FAM178B: variants seen among roughly 807,000 people sequenced by gnomAD.
The protein encoded by FAM178B is family with sequence similarity 178 member B.
FAM178B carries 82 observed loss-of-function variants against 91.7 expected under a neutral mutation model. That is an observed-to-expected ratio of 0.89 (90% confidence interval 0.75 to 1.07). FAM178B has a LOEUF of 1.07. Ranked by LOEUF, FAM178B falls within the 50% of genes least tolerant of loss-of-function variation. FAM178B has a pLI of 0.00. For synonymous variants in FAM178B, 368 were observed against 359.4 expected (o/e 1.02, Z -0.27); for missense variants, 769 against 846.7 (o/e 0.91, Z 1.14).
chr2:96,936,819 C>T (rs1056230150), intron 8 of FAM178B, among the ~76,000 whole-genome samples: 4 of 151,954 alleles, frequency 2.6e-5, no homozygotes, highest in African/African-American at 7.3e-5. Context: ...CTAACAAAAG[C>T]GTTCTTTAAA....
intron 14 of FAM178B, among the ~76,000 whole-genome samples, chr2:96,882,421 G>A (rs1367552972): frequency 1.3e-5 from 2 of 152,248 alleles, no homozygotes; most frequent in African/African-American, 4.8e-5. Flanking sequence ...GTGGTGCAGG[G>A]CAGGCAGGGG....
chr2:96,893,927 T>C lies in FAM178B; in HGVS notation c.1775A>G (p.Lys592Arg). Residue 592 changes from lysine (K) to arginine (R), a missense_variant and splice_region_variant, in exon 14 of 17, where the codon AAG (lysine) becomes AGG (arginine). Physicochemically the swap from Lys to Arg is conservative, Grantham distance 26. Transcript: ENST00000490605. ...GGCGGGTGCTGGGTGCTCACTCACC[T>C]TGTGGTCTAGCTCGGCACTAGCCTT... ...QPKASAELDH[K>R]ACYLCHSLLM... The C allele has an allele frequency of 6.2e-7, 1 of 1,611,668 alleles. No individual in the cohort carries two copies.
chr2:96,951,348 C>T (rs778923327), intron 7 of FAM178B, 31 bp downstream of exon 7: 45 of 1,492,676 alleles, frequency 3.0e-5, no homozygotes, highest in East Asian at 4.9e-5. Context: ...GCAGCGCTCC[C>T]GCCACCTAGT....
intron 8 of FAM178B, among the ~76,000 whole-genome samples, chr2:96,937,565 G>A (rs778390601): frequency 3.9e-5 from 6 of 152,146 alleles, no homozygotes; most frequent in Non-Finnish European, 5.9e-5. Context: ...CAGGAGGGGA[G>A]GCTTTAAAAT....
rs577213627 is a variant in FAM178B at position 96,933,542 on chromosome 2, C to T, written c.1079-4222G>A. 2.7e-4 allele frequency among the ~76,000 whole-genome samples: 41 copies of T among 152,330 alleles called. 1 individual carries two copies. Among genetic ancestry groups the T allele is most frequent in the Admixed American group, 3.9e-4 (6 of 15,306 alleles). On this transcript the variant is annotated intron_variant, in intron 8 of 16. Coordinates refer to ENST00000490605, the MANE Select transcript of FAM178B (RefSeq NM_001122646.3). ...CAAGAACCTCTTCGGTCACTGGAAG[C>T]GCCAGCCTCAGCTCCAAGACCTGGC... is the stretch of plus-strand genomic sequence containing the variant.
intron 6 of FAM178B, among the ~76,000 whole-genome samples, chr2:96,957,945 C>CA (rs1429895596): frequency 2.6e-5 from 4 of 151,266 alleles, no homozygotes; most frequent in Non-Finnish European, 4.4e-5. Flanking sequence ...CTTTTATGTT[C>CA]AAAAAATGAG....
chr2:96,882,429 G>GGGT (rs1165112230), intron 14 of FAM178B, among the ~76,000 whole-genome samples: 2 of 152,244 alleles, frequency 1.3e-5, no homozygotes, highest in African/African-American at 2.4e-5. Context: ...GGGCAGGCAG[G>GGGT]GGTGGGCGAG....
intron 1 of FAM178B, among the ~76,000 whole-genome samples, chr2:96,978,755 G>A (rs1434051579): frequency 6.6e-6 from 1 of 151,538 alleles, no homozygotes; most frequent in Non-Finnish European, 1.5e-5. Flanking sequence ...CTCCCGAGTA[G>A]CTGGAATTAC....
chr2:96,889,154 C>T (rs1431163068), intron 14 of FAM178B, among the ~76,000 whole-genome samples: 2 of 152,230 alleles, frequency 1.3e-5, no homozygotes, highest in Non-Finnish European at 2.9e-5. Flanking sequence ...GCCCAGAGGG[C>T]AGCTGGGGAG....
chr2:96,909,154 A>AG (rs1413389707), intron 12 of FAM178B, among the ~76,000 whole-genome samples: 1 of 117,678 alleles, frequency 8.5e-6, no homozygotes, highest in African/African-American at 3.1e-5. Context: ...AAAAAAAAAA[A>AG]AAAAAAGAAA....
At chr2:96,946,312 G>A (rs1432839591) in intron 8 of FAM178B, among the ~76,000 whole-genome samples, 1 of 152,054 alleles carries the variant, frequency 6.6e-6, no homozygotes, top group South Asian at 2.1e-4. Context: ...ATCCATTCAC[G>A]GGTGGACACT....
intron 12 of FAM178B, among the ~76,000 whole-genome samples, chr2:96,915,111 A>AT (rs1559070171): frequency 2.9e-4 from 43 of 146,124 alleles, no homozygotes; most frequent in Admixed American, 8.7e-4. Context: ...TCTATAACCA[A>AT]ATTTTTTTTT....
intron 9 of FAM178B, among the ~76,000 whole-genome samples, chr2:96,925,106 C>G (rs983338436): frequency 2.6e-5 from 4 of 152,112 alleles, no homozygotes; most frequent in African/African-American, 7.2e-5. Context: ...TGCGCCAGTA[C>G]GTGAGGGGAA....
At chr2:96,909,195 T>C (rs2081109379) in intron 12 of FAM178B, among the ~76,000 whole-genome samples, 1 of 151,672 alleles carries the variant, frequency 6.6e-6, no homozygotes, top group African/African-American at 2.4e-5. Flanking sequence ...TGAAGTCACC[T>C]AATCTAGCTT....
intron 13 of FAM178B, among the ~76,000 whole-genome samples, chr2:96,894,876 C>T (rs866391693): frequency 3.5e-4 from 42 of 118,966 alleles, no homozygotes; most frequent in African/African-American, 1.3e-3. Context: ...CCACACCCAC[C>T]CAGTCATCCC....
chr2:96,896,528 T>A (rs1012251586), intron 13 of FAM178B, among the ~76,000 whole-genome samples: 6 of 152,104 alleles, frequency 3.9e-5, no homozygotes, highest in African/African-American at 1.4e-4. Flanking sequence ...CTCGGCCGCT[T>A]AGGGCAGACA....
intron 14 of FAM178B, among the ~76,000 whole-genome samples, chr2:96,884,655 G>A (rs544212066): frequency 1.3e-5 from 2 of 152,298 alleles, no homozygotes; most frequent in South Asian, 4.1e-4. Flanking sequence ...CGTGCCTTCT[G>A]AGCCCCAGCA....
intron 8 of FAM178B, among the ~76,000 whole-genome samples, chr2:96,936,021 T>C (rs1574273478): frequency 6.6e-6 from 1 of 152,046 alleles, no homozygotes; most frequent in Non-Finnish European, 1.5e-5. Context: ...TTGTAACAAA[T>C]ATACACACTA....
chr2:96,878,279 G>T (rs62152871), intron 15 of FAM178B, 137 bp downstream of exon 15: 6 of 901,826 alleles, frequency 6.7e-6, no homozygotes, highest in South Asian at 6.1e-5. Flanking sequence ...GCTCTCCCAC[G>T]CTGGCTTCCC....
Sources: gnomAD v4.1 joint callset for allele counts (sites outside exome capture counted in the v4.1 genomes callset) on GRCh38, gnomAD v4.1.1 for gene constraint, MANE v1.5 for transcripts, NCBI Gene and HGNC (gene_info 2026-07-23, HGNC 2026-07-21) for gene names.